CLYBL: variants seen among roughly 807,000 people sequenced by gnomAD.
The protein encoded by CLYBL is citramalyl-CoA lyase.
CLYBL carries 31 observed loss-of-function variants against 38.9 expected under a neutral mutation model. That is an observed-to-expected ratio of 0.80 (90% CI 0.60 to 1.08). The LOEUF is 1.08. CLYBL is among the 50% of genes least tolerant of loss of function. The pLI is 0.00. For missense variants in CLYBL, 434 were observed against 411.6 expected (o/e 1.05, Z -0.47); for synonymous variants, 171 against 158.6 (o/e 1.08, Z -0.59).
At chr13:99,788,731 G>A (rs995067508) in intron 2 of CLYBL, among the ~76,000 whole-genome samples, 1 of 152,166 alleles carries the variant, frequency 6.6e-6, no homozygotes, top group Non-Finnish European at 1.5e-5. Flanking sequence ...GAGTTAGGGA[G>A]GATTCTCTCT....
At chr13:99,694,013 A>G (rs2047944497) in intron 1 of CLYBL, among the ~76,000 whole-genome samples, 1 of 152,224 alleles carries the variant, frequency 6.6e-6, no homozygotes, top group South Asian at 2.1e-4. Context: ...TCCCAGCAGC[A>G]GCTCGCACAA....
At chr13:99,883,312 A>C (rs2052263965) in intron 7 of CLYBL, among the ~76,000 whole-genome samples, 1 of 152,096 alleles carries the variant, frequency 6.6e-6, no homozygotes, top group African/African-American at 2.4e-5. Context: ...TGAGGTCAGG[A>C]GTTGAAGACC....
chr13:99,626,104 A>C (rs914141828), intron 1 of CLYBL, among the ~76,000 whole-genome samples: 1 of 152,222 alleles, frequency 6.6e-6, no homozygotes, highest in Admixed American at 6.5e-5. Flanking sequence ...CGAAGATGCC[A>C]TGGCCGGTGG....
At chr13:99,630,885 A>G (rs1008453604) in intron 1 of CLYBL, among the ~76,000 whole-genome samples, 1 of 152,202 alleles carries the variant, frequency 6.6e-6, no homozygotes. Context: ...TAAGTAATTT[A>G]TCCAAATTTA....
chr13:99,707,606 T>A (rs139021700), intron 1 of CLYBL, among the ~76,000 whole-genome samples: 43 of 152,316 alleles, frequency 2.8e-4, no homozygotes, highest in African/African-American at 9.6e-4. Context: ...TTTACAATGA[T>A]ATGTTTTATA....
chr13:99,891,166 C>G, intron 7 of CLYBL, 152 bp from the exon 8 acceptor site: 1 of 596,948 alleles, frequency 1.7e-6, no homozygotes, highest in South Asian at 2.3e-5. Context: ...AGTGTTTCCT[C>G]TGTAATTTAC....
chr13:99,854,747 G>A (rs2051417630), intron 2 of CLYBL, among the ~76,000 whole-genome samples: 2 of 152,140 alleles, frequency 1.3e-5, no homozygotes, highest in Non-Finnish European at 2.9e-5. Context: ...AGAGTCTGCA[G>A]GTTTTGGTGA....
intron 2 of CLYBL, among the ~76,000 whole-genome samples, chr13:99,831,657 T>A (rs1284965250): frequency 2.6e-5 from 4 of 152,144 alleles, no homozygotes; most frequent in Non-Finnish European, 5.9e-5. Flanking sequence ...AGTAAGCATT[T>A]TTTTTTGCCC....
At chr13:99,819,758 T>A (rs2050550018) in intron 2 of CLYBL, among the ~76,000 whole-genome samples, 1 of 151,836 alleles carries the variant, frequency 6.6e-6, no homozygotes, top group African/African-American at 2.4e-5. Context: ...CGAGAATTTG[T>A]CCTTTGCATT....
intron 2 of CLYBL, among the ~76,000 whole-genome samples, chr13:99,824,718 G>A (rs2050660497): frequency 6.6e-6 from 1 of 151,958 alleles, no homozygotes. Context: ...TTGCCTCCTA[G>A]CTGTTTTGTC....
chr13:99,815,595 T>A (rs556048642), intron 2 of CLYBL, among the ~76,000 whole-genome samples: 2 of 152,020 alleles, frequency 1.3e-5, no homozygotes, highest in East Asian at 3.9e-4. Flanking sequence ...TAAAAATAAA[T>A]AAAAAATTGG....
intron 1 of CLYBL, among the ~76,000 whole-genome samples, chr13:99,683,751 T>TA (rs2047773850): frequency 6.7e-6 from 1 of 148,552 alleles, no homozygotes; most frequent in Admixed American, 6.7e-5. Flanking sequence ...TTTTTTTTTT[T>TA]AATAAGGAGG....
At chr13:99,848,332 A>T (rs1566352479) in intron 2 of CLYBL, among the ~76,000 whole-genome samples, 1 of 152,270 alleles carries the variant, frequency 6.6e-6, no homozygotes, top group East Asian at 1.9e-4. Context: ...ACAGGGAGTG[A>T]TTTATGGATC....
chr13:99,783,282 A>G (rs1287698959), intron 2 of CLYBL, among the ~76,000 whole-genome samples: 1 of 151,674 alleles, frequency 6.6e-6, no homozygotes, highest in East Asian at 2.0e-4. Context: ...AGCTCAGGTG[A>G]TCCACTTGCC....
At chr13:99,692,528 A>T (rs2047922703) in intron 1 of CLYBL, among the ~76,000 whole-genome samples, 2 of 151,948 alleles carry the variant, frequency 1.3e-5, no homozygotes, top group Non-Finnish European at 2.9e-5. Flanking sequence ...TCCTGACCTT[A>T]TGATCCACCC....
chr13:99,832,307 C>T (rs532282065), intron 2 of CLYBL, among the ~76,000 whole-genome samples: 35 of 152,300 alleles, frequency 2.3e-4, no homozygotes, highest in African/African-American at 8.4e-4. Flanking sequence ...CTGGGTCGTA[C>T]CACTTGTTTC....
At chr13:99,817,259 TGA>T (rs753193950) in intron 2 of CLYBL, among the ~76,000 whole-genome samples, 26 of 151,816 alleles carry the variant, frequency 1.7e-4, no homozygotes, top group African/African-American at 5.3e-4. Context: ...AATGTGTGTA[TGA>T]GAGAGAGAGA....
At chr13:99,828,867 G>T (rs1478430683) in intron 2 of CLYBL, among the ~76,000 whole-genome samples, 1 of 152,084 alleles carries the variant, frequency 6.6e-6, no homozygotes, top group Admixed American at 6.6e-5. Context: ...CTCCATCACG[G>T]TGTCCAAAAA....
At chr13:99,723,769 T>G (rs2048427899) in intron 1 of CLYBL, among the ~76,000 whole-genome samples, 1 of 152,208 alleles carries the variant, frequency 6.6e-6, no homozygotes, top group Non-Finnish European at 1.5e-5. Context: ...TTAGTAAGGA[T>G]AAGTAAGAAA....
Sources: gnomAD v4.1 joint callset for allele counts (sites outside exome capture counted in the v4.1 genomes callset) on GRCh38, gnomAD v4.1.1 for gene constraint, MANE v1.5 for transcripts, NCBI Gene and HGNC (gene_info 2026-07-23, HGNC 2026-07-21) for gene names.